Variants in HOOK1 observed in about 807,000 individuals in gnomAD.
The protein encoded by HOOK1 is hook microtubule tethering protein 1.
In HOOK1, 60 loss-of-function variants were observed where a neutral mutation model predicts 112.8. That is an observed-to-expected ratio of 0.53 (90% confidence interval 0.43 to 0.66). The LOEUF is 0.66. HOOK1 is among the 30% of genes least tolerant of loss of function. HOOK1 has a pLI of 0.00. For synonymous variants in HOOK1, 294 were observed against 283.8 expected (o/e 1.04, Z -0.36); for missense variants, 770 against 856.0 (o/e 0.90, Z 1.25).
Position 59,815,045 on chromosome 1 carries a change from G to A in HOOK1, c.-73G>A. ...TCCTGGGGGCTAGCAGGTCGTGGAC[G>A]CCGGCTCCTGGAGGAGAGCCGGTAG... On this transcript the variant is annotated 5_prime_UTR_variant, in exon 1 of 22. Coordinates refer to ENST00000371208, the MANE Select transcript of HOOK1 (RefSeq NM_015888.6). The A allele has an allele frequency of 7.7e-6, 11 of 1,427,644 alleles. No individual in the cohort carries two copies. In the South Asian group the frequency reaches 9.9e-5, roughly 13 times the overall value. The allele number at this position is 1,427,644 out of a possible 1,614,324, so 88.4% of individuals were successfully genotyped here. A position where few individuals can be genotyped will look rare whatever the true frequency, so the allele number is the denominator to read the frequency against.
chr1:59,844,507 T>A (rs983714108), intron 9 of HOOK1, among the ~76,000 whole-genome samples: 1 of 151,954 alleles, frequency 6.6e-6, no homozygotes, highest in Non-Finnish European at 1.5e-5. Context: ...AGAGTATGAC[T>A]CTTGAGATCT....
intron 2 of HOOK1, among the ~76,000 whole-genome samples, chr1:59,828,347 A>T (rs1194116798): frequency 6.6e-6 from 1 of 152,178 alleles, no homozygotes; most frequent in Non-Finnish European, 1.5e-5. Context: ...TGTGCTATTA[A>T]TAGTATCACT....
Position 59,849,192 on chromosome 1 carries a change from A to G in HOOK1, c.1242+9A>G, listed in dbSNP as rs757619774. On this transcript the variant is annotated intron_variant, in intron 12 of 21. Transcript: ENST00000371208. ...TACTTAAGGAAAAAGAGGTAAACAT[A>G]GATATAATTGATAAGGAATATTTCA... is the stretch of plus-strand genomic sequence containing the variant. 6.5e-7 allele frequency: 1 copy of G among 1,526,746 alleles called. No individual in the cohort carries two copies. Among genetic ancestry groups the G allele is most frequent in the Admixed American group, 1.7e-5 (1 of 58,114 alleles). The allele number at this position is 1,526,746 out of a possible 1,614,324, so 94.6% of individuals were successfully genotyped here.
intron 8 of HOOK1, among the ~76,000 whole-genome samples, 155 bp downstream of exon 8, chr1:59,840,546 TATTA>T (rs1328192944): frequency 3.3e-5 from 5 of 152,252 alleles, no homozygotes; most frequent in African/African-American, 9.6e-5. Flanking sequence ...AATATTCAAG[TATTA>T]ATTTCATAAA....
chr1:59,875,449 G>T lies in HOOK1; in HGVS notation c.*2484G>T, dbSNP rs1644117287. ...ACAGAAATTCAGGAACTGATCAGAA[G>T]TGAGATTCTTTTCCACATCTGGTTA... On this transcript the variant is annotated 3_prime_UTR_variant, in exon 22 of 22. Transcript: ENST00000371208. 6.6e-6 allele frequency: 1 copy of T among 152,620 alleles called. No individual in the cohort carries two copies. Among genetic ancestry groups the T allele is most frequent in the Admixed American group, 6.5e-5 (1 of 15,282 alleles). The allele number at this position is 152,620 out of a possible 1,614,324, so 9.5% of individuals were successfully genotyped here.
intron 2 of HOOK1, among the ~76,000 whole-genome samples, chr1:59,827,726 AT>A (rs754928479): frequency 0.031 from 4,491 of 147,162 alleles, 158 homozygotes; most frequent in African/African-American, 0.092. Context: ...TAGTGAAGCC[AT>A]TTTTTTTTTT....
At chr1:59,858,592 A>G (rs920256876) in intron 13 of HOOK1, 77 bp downstream of exon 13, 7 of 957,152 alleles carry the variant, frequency 7.3e-6, no homozygotes, top group Non-Finnish European at 1.2e-5. Context: ...ATAAAAACTT[A>G]ACCTGTCATG....
chr1:59,866,033 T>C, intron 19 of HOOK1, 61 bp downstream of exon 19: 1 of 884,068 alleles, frequency 1.1e-6, no homozygotes, highest in East Asian at 2.7e-5. Context: ...AAGGCTCATT[T>C]CACTGGATTT....
intron 8 of HOOK1, among the ~76,000 whole-genome samples, chr1:59,842,196 A>C (rs1160492542): frequency 6.6e-6 from 1 of 152,048 alleles, no homozygotes; most frequent in South Asian, 2.1e-4. Context: ...CCCTACACTC[A>C]AGCTAGAATG....
At chr1:59,870,442 G>C (rs897054212) in intron 20 of HOOK1, among the ~76,000 whole-genome samples, 5 of 152,106 alleles carry the variant, frequency 3.3e-5, no homozygotes, top group African/African-American at 1.2e-4. Context: ...TTTTGGGCTT[G>C]GTTCTTATAT....
intron 9 of HOOK1, among the ~76,000 whole-genome samples, chr1:59,845,442 T>C (rs72921700): frequency 0.011 from 1,656 of 152,098 alleles, 24 homozygotes; most frequent in African/African-American, 0.037. Context: ...TCATTGCTTT[T>C]TTCCTGGTCT....
chr1:59,849,864 A>G (rs974002634), intron 12 of HOOK1, among the ~76,000 whole-genome samples: 3 of 151,586 alleles, frequency 2.0e-5, no homozygotes, highest in Non-Finnish European at 4.4e-5. Flanking sequence ...TCCATTCACC[A>G]GTTTATGAAC....
chr1:59,870,060 TCTC>T lies in HOOK1; in HGVS notation c.1948-978_1948-976del, dbSNP rs553176916. 5.9e-5 allele frequency among the ~76,000 whole-genome samples: 9 copies of T among 152,276 alleles called. No individual in the cohort carries two copies. In the South Asian group the frequency reaches 1.9e-3, roughly 32 times the overall value. Reference sequence around the variant, plus strand: ...AACTTCTTGTCTTAAAATAGTTACTTCTCCTCTCTGGCTCACCATCTTCTCATC... The same window carrying T: ...AACTTCTTGTCTTAAAATAGTTACTTCTCTCTGGCTCACCATCTTCTCATC... On this transcript the variant is annotated intron_variant, in intron 20 of 21. Transcript: ENST00000371208.
intron 2 of HOOK1, among the ~76,000 whole-genome samples, chr1:59,826,903 C>T (rs1172596091): frequency 6.6e-6 from 1 of 152,210 alleles, no homozygotes; most frequent in African/African-American, 2.4e-5. Context: ...GCTGGGATTA[C>T]AGGCATGTGC....
Position 59,843,503 on chromosome 1 carries a change from G to T in HOOK1, c.693G>T (p.Gln231His). Reference sequence around the variant, plus strand: ...AGATGATGAATGAAAAACTTGACCAGTTGGATGGCTCTTTTGATGATCCAA... The same window carrying T: ...AGATGATGAATGAAAAACTTGACCATTTGGATGGCTCTTTTGATGATCCAA... ...ENEMMNEKLD[Q>H]LDGSFDDPNT... Residue 231 changes from glutamine (Q) to histidine (H), a missense_variant, in exon 9 of 22, where the codon CAG becomes CAT. Transcript: ENST00000371208. 1 of 1,610,798 alleles carries T rather than the reference G, an allele frequency of 6.2e-7. No individual in the cohort carries two copies. Among genetic ancestry groups the T allele is most frequent in the Non-Finnish European group, 8.5e-7 (1 of 1,178,246 alleles).
chr1:59,820,929 G>T (rs1471812713), intron 1 of HOOK1, among the ~76,000 whole-genome samples: 4 of 152,128 alleles, frequency 2.6e-5, no homozygotes, highest in African/African-American at 9.7e-5. Context: ...TCTGTGTTGT[G>T]TTAGATAATG....
At chr1:59,857,774 A>G (rs1049497159) in intron 12 of HOOK1, among the ~76,000 whole-genome samples, 1 of 152,214 alleles carries the variant, frequency 6.6e-6, no homozygotes, top group Non-Finnish European at 1.5e-5. Flanking sequence ...TCTGTTCGTA[A>G]CCTAGAAGTT....
Position 59,828,869 on chromosome 1 carries a change from G to C in HOOK1, c.222+17G>C. ...AGAATAAAGGTATGCAGAACAAATG[G>C]GAGAAGCACTTGATCCAAACAGTGG... On this transcript the variant is annotated intron_variant, in intron 3 of 21. Coordinates refer to ENST00000371208, the MANE Select transcript of HOOK1 (RefSeq NM_015888.6). 6.3e-7 allele frequency: 1 copy of C among 1,590,150 alleles called. No homozygotes were observed. Among genetic ancestry groups the C allele is most frequent in the Admixed American group, 1.7e-5 (1 of 58,684 alleles).
At chr1:59,849,825 C>T (rs1290394225) in intron 12 of HOOK1, among the ~76,000 whole-genome samples, 3 of 151,610 alleles carry the variant, frequency 2.0e-5, no homozygotes, top group African/African-American at 7.2e-5. Context: ...AATAATGCCC[C>T]ATTGTATGGA....
Sources: gnomAD v4.1 joint callset for allele counts (sites outside exome capture counted in the v4.1 genomes callset) on GRCh38, gnomAD v4.1.1 for gene constraint, MANE v1.5 for transcripts, NCBI Gene and HGNC (gene_info 2026-07-23, HGNC 2026-07-21) for gene names.